The following MYO5B variants were observed in gnomAD, a reference collection of about 807,000 sequenced individuals.
The protein encoded by MYO5B is unconventional myosin-Vb.
In MYO5B, 143 loss-of-function variants were observed where a neutral mutation model predicts 229.3. The observed-to-expected ratio is 0.62, with a 90% CI of 0.54 to 0.72. MYO5B has a LOEUF of 0.72. MYO5B is among the 30% of genes least tolerant of loss of function. The pLI is 0.00. For missense variants in MYO5B, 2,321 were observed against 2,331.0 expected, an observed-to-expected ratio of 1.00 and a Z score of 0.09; for synonymous variants, 918 against 885.2, an observed-to-expected ratio of 1.04 and a Z score of -0.66.
intron 1 of MYO5B, among the ~76,000 whole-genome samples, chr18:50,117,848 C>T (rs1023593183): frequency 6.6e-6 from 1 of 152,126 alleles, no homozygotes; most frequent in Non-Finnish European, 1.5e-5. Context: ...ACCACCACCA[C>T]ATAGTACGCC....
At chr18:49,953,890 A>T (rs1431587872) in intron 13 of MYO5B, among the ~76,000 whole-genome samples, 1 of 91,582 alleles carries the variant, frequency 1.1e-5, no homozygotes, top group African/African-American at 4.3e-5. Context: ...TTATATATAC[A>T]TATATGTGTG....
chr18:49,920,927 T>TCA (rs1280383400), intron 17 of MYO5B, among the ~76,000 whole-genome samples: 1 of 152,124 alleles, frequency 6.6e-6, no homozygotes, highest in African/African-American at 2.4e-5. Flanking sequence ...AAGACAGATC[T>TCA]CACACAAAAG....
chr18:50,034,273 G>A (rs2026424026), intron 4 of MYO5B, among the ~76,000 whole-genome samples: 1 of 152,200 alleles, frequency 6.6e-6, no homozygotes. Flanking sequence ...GAATGAATGT[G>A]TTCTAGTGTC....
At chr18:49,892,084 T>C (rs921065909) in intron 22 of MYO5B, among the ~76,000 whole-genome samples, 7 of 152,154 alleles carry the variant, frequency 4.6e-5, no homozygotes, top group Non-Finnish European at 8.8e-5. Context: ...AGGGCAGCCC[T>C]GGGGGCCACC....
chr18:50,140,348 G>C (rs2032399555), intron 1 of MYO5B, among the ~76,000 whole-genome samples: 1 of 152,206 alleles, frequency 6.6e-6, no homozygotes, highest in Non-Finnish European at 1.5e-5. Context: ...ACATGGTGCT[G>C]AGTGAGTGAA....
chr18:50,092,823 T>C (rs1451983643), intron 1 of MYO5B, among the ~76,000 whole-genome samples: 1 of 152,192 alleles, frequency 6.6e-6, no homozygotes, highest in African/African-American at 2.4e-5. Flanking sequence ...AATCATTGAA[T>C]AAATGTCAAG....
chr18:49,848,521 G>T (rs2024159374), intron 32 of MYO5B, among the ~76,000 whole-genome samples: 1 of 152,160 alleles, frequency 6.6e-6, no homozygotes, highest in Admixed American at 6.5e-5. Flanking sequence ...AGTGTGAGAG[G>T]ATGAAGGCTG....
rs552452429 is a variant in MYO5B, at chr18:50,067,412, G to A, written c.28-12034C>T. On this transcript the variant is annotated intron_variant, in intron 1 of 39. Transcript: ENST00000285039. ...GCATGTACACACCCATCAGATGAGCGGTGCTGCCCTCAGAAGCTGTTGTTC... is the reference window on the plus strand; with the variant it reads ...GCATGTACACACCCATCAGATGAGCAGTGCTGCCCTCAGAAGCTGTTGTTC... Among the ~76,000 whole-genome samples, 17 of 152,242 alleles carry A rather than the reference G, an allele frequency of 1.1e-4. No homozygotes were observed. In the South Asian group the frequency reaches 2.9e-3, roughly 26 times the overall value.
chr18:50,050,093 T>C (rs1448824240), intron 2 of MYO5B, among the ~76,000 whole-genome samples: 3 of 152,302 alleles, frequency 2.0e-5, no homozygotes, highest in African/African-American at 7.2e-5. Context: ...ATTTTGTGTG[T>C]GTACAATATA....
intron 1 of MYO5B, among the ~76,000 whole-genome samples, chr18:50,166,452 A>T (rs1416246970): frequency 1.3e-5 from 2 of 152,256 alleles, no homozygotes; most frequent in Non-Finnish European, 2.9e-5. Context: ...TTTACAAAAC[A>T]TCCATCATCC....
chr18:49,850,822 A>G (rs1038448263), intron 31 of MYO5B: 1 of 152,722 alleles, frequency 6.5e-6, no homozygotes, highest in African/African-American at 2.4e-5. Context: ...CCTCGTGTTC[A>G]TATAACCCTG....
At chr18:49,867,151 A>C (rs1276092676) in intron 27 of MYO5B, among the ~76,000 whole-genome samples, 1 of 152,082 alleles carries the variant, frequency 6.6e-6, no homozygotes, top group Admixed American at 6.5e-5. Context: ...GCATGGGGAG[A>C]TGGGCCACCT....
intron 17 of MYO5B, 139 bp downstream of exon 17, chr18:49,929,373 T>A: frequency 2.9e-6 from 2 of 681,962 alleles, no homozygotes; most frequent in Non-Finnish European, 5.0e-6. Context: ...TCCATCAGCA[T>A]CCTGCTTGGG....
intron 1 of MYO5B, among the ~76,000 whole-genome samples, chr18:50,069,378 G>C (rs768593191): frequency 6.6e-6 from 1 of 152,008 alleles, no homozygotes; most frequent in Non-Finnish European, 1.5e-5. Context: ...CACCACTCAC[G>C]GCAGGGACGT....
intron 4 of MYO5B, among the ~76,000 whole-genome samples, chr18:50,007,096 A>G (rs1376691089): frequency 6.6e-6 from 1 of 151,998 alleles, no homozygotes; most frequent in Non-Finnish European, 1.5e-5. Context: ...CTCCTCAAAC[A>G]CCAGGTTCTA....
At chr18:49,920,193 G>C (rs1046531343) in intron 17 of MYO5B, among the ~76,000 whole-genome samples, 2 of 152,034 alleles carry the variant, frequency 1.3e-5, no homozygotes, top group Non-Finnish European at 2.9e-5. Context: ...TTCCTTTTGG[G>C]GTGATAAAAA....
chr18:50,191,196 G>T (rs1234879120), intron 1 of MYO5B, among the ~76,000 whole-genome samples: 3 of 152,194 alleles, frequency 2.0e-5, no homozygotes, highest in African/African-American at 7.2e-5. Flanking sequence ...TGTGTTAATT[G>T]CCAGGAAGAA....
At chr18:49,893,383 G>A (rs913237877) in intron 22 of MYO5B, among the ~76,000 whole-genome samples, 4 of 152,106 alleles carry the variant, frequency 2.6e-5, no homozygotes, top group Non-Finnish European at 4.4e-5. Flanking sequence ...TTTTATTCAT[G>A]TAGAAAGGTC....
intron 1 of MYO5B, among the ~76,000 whole-genome samples, chr18:50,150,999 C>T (rs1568125809): frequency 6.6e-6 from 1 of 152,188 alleles, no homozygotes; most frequent in Non-Finnish European, 1.5e-5. Context: ...GTGTGTCCAT[C>T]AGTTTTAAAG....
Sources: allele counts gnomAD v4.1 joint callset (sites outside exome capture counted in the v4.1 genomes callset), GRCh38; gene constraint gnomAD v4.1.1; transcripts MANE v1.5; gene names NCBI Gene and HGNC (gene_info 2026-07-23, HGNC 2026-07-21).